OTUD7A: variants seen among roughly 807,000 people sequenced by gnomAD.
OTUD7A encodes OTU domain-containing protein 7A.
A neutral mutation model predicts 65.7 loss-of-function variants in OTUD7A; 12 were observed. The ratio of observed to expected loss-of-function variants is 0.18; its 90% confidence interval spans 0.12 to 0.30. OTUD7A has a LOEUF of 0.30. OTUD7A is among the 10% of genes least tolerant of loss of function. The pLI, the probability that OTUD7A is intolerant of heterozygous loss-of-function variation, is 1.00. For missense variants in OTUD7A, 1,148 were observed against 1,304.8 expected, an observed-to-expected ratio of 0.88 and a Z score of 1.85; for synonymous variants, 641 against 586.3, an observed-to-expected ratio of 1.09 and a Z score of -1.35.
intron 1 of OTUD7A, among the ~76,000 whole-genome samples, chr15:31,674,263 G>A (rs763243852): frequency 2.0e-5 from 3 of 152,184 alleles, no homozygotes; most frequent in African/African-American, 4.8e-5. Flanking sequence ...CAGGAGAGCC[G>A]GTGGCCAAGA....
At chr15:31,610,337 A>G (rs1890364378) in intron 3 of OTUD7A, among the ~76,000 whole-genome samples, 1 of 151,844 alleles carries the variant, frequency 6.6e-6, no homozygotes. Context: ...AATGAGATAG[A>G]TGGCAACACA....
chr15:31,716,920 C>T (rs1893604263), intron 1 of OTUD7A, among the ~76,000 whole-genome samples: 1 of 152,188 alleles, frequency 6.6e-6, no homozygotes, highest in Non-Finnish European at 1.5e-5. Context: ...AAAAGGCCTT[C>T]TTTAACTCTG....
chr15:31,765,020 A>G (rs1895061676), intron 1 of OTUD7A, among the ~76,000 whole-genome samples: 1 of 151,674 alleles, frequency 6.6e-6, no homozygotes, highest in African/African-American at 2.4e-5. Context: ...CATATCTGGA[A>G]TAATGAAAGG....
At chr15:31,764,865 A>G (rs1368135153) in intron 1 of OTUD7A, among the ~76,000 whole-genome samples, 1 of 152,152 alleles carries the variant, frequency 6.6e-6, no homozygotes, top group Non-Finnish European at 1.5e-5. Context: ...TCATCATAGA[A>G]GTCAGTCTTT....
intron 3 of OTUD7A, among the ~76,000 whole-genome samples, chr15:31,617,903 T>C (rs558525765): frequency 1.4e-3 from 207 of 152,272 alleles, no homozygotes; most frequent in African/African-American, 4.7e-3. Context: ...ACATTACGCA[T>C]ATCTCCTAAT....
At chr15:31,592,663 G>A (rs9806275) in intron 3 of OTUD7A, among the ~76,000 whole-genome samples, 48,303 of 151,098 alleles carry the variant, frequency 0.32, 9,914 homozygotes, top group African/African-American at 0.58. Context: ...GGCAGATCAC[G>A]AGGTCAGGAG....
intron 1 of OTUD7A, among the ~76,000 whole-genome samples, chr15:31,727,045 C>T (rs1370557391): frequency 6.6e-6 from 1 of 152,226 alleles, no homozygotes; most frequent in Non-Finnish European, 1.5e-5. Context: ...TGGACCAGGG[C>T]CATGGGCCAT....
chr15:31,703,131 T>C (rs1183566824), intron 1 of OTUD7A, among the ~76,000 whole-genome samples: 1 of 152,060 alleles, frequency 6.6e-6, no homozygotes, highest in East Asian at 1.9e-4. Context: ...AACTTGAATG[T>C]AAAATATAAG....
At chr15:31,585,898 G>A (rs1428423317) in intron 3 of OTUD7A, among the ~76,000 whole-genome samples, 1 of 152,192 alleles carries the variant, frequency 6.6e-6, no homozygotes, top group Non-Finnish European at 1.5e-5. Context: ...ATTGGGATGA[G>A]CCAAGCAACA....
intron 1 of OTUD7A, among the ~76,000 whole-genome samples, chr15:31,805,759 G>A (rs1223027223): frequency 1.3e-5 from 2 of 152,212 alleles, no homozygotes; most frequent in African/African-American, 4.8e-5. Flanking sequence ...AAGGCAGACA[G>A]CTAAGAGACA....
intron 1 of OTUD7A, among the ~76,000 whole-genome samples, chr15:31,661,186 T>C (rs1472548297): frequency 6.6e-6 from 1 of 152,226 alleles, no homozygotes; most frequent in African/African-American, 2.4e-5. Flanking sequence ...TATGGAAAGA[T>C]GGAAGAAAAG....
intron 1 of OTUD7A, among the ~76,000 whole-genome samples, chr15:31,658,870 A>T (rs1255749177): frequency 3.0e-5 from 4 of 133,534 alleles, no homozygotes; most frequent in East Asian, 2.2e-4. Context: ...TCTACTAATT[A>T]AAAAAAAAAA....
At chr15:31,740,094 C>A (rs998816081) in intron 1 of OTUD7A, among the ~76,000 whole-genome samples, 1 of 152,260 alleles carries the variant, frequency 6.6e-6, no homozygotes, top group African/African-American at 2.4e-5. Context: ...GAAGGCCTAG[C>A]GGAGTGTGAG....
At chr15:31,819,445 T>A (rs1896626593) in intron 1 of OTUD7A, among the ~76,000 whole-genome samples, 1 of 152,176 alleles carries the variant, frequency 6.6e-6, no homozygotes, top group Admixed American at 6.5e-5. Context: ...AGACCTGCAT[T>A]TATTAATGCA....
At chr15:31,510,122 C>G (rs753373315) in intron 8 of OTUD7A, among the ~76,000 whole-genome samples, 6 of 149,310 alleles carry the variant, frequency 4.0e-5, no homozygotes, top group Non-Finnish European at 7.4e-5. Context: ...TTTTTCTACA[C>G]TTAGTTTTCT....
chr15:31,604,349 A>T (rs2141214368), intron 3 of OTUD7A, among the ~76,000 whole-genome samples: 1 of 152,298 alleles, frequency 6.6e-6, no homozygotes, highest in South Asian at 2.1e-4. Context: ...CAAGAACAGA[A>T]AACCAAACAC....
intron 1 of OTUD7A, among the ~76,000 whole-genome samples, chr15:31,824,783 A>G (rs184327711): frequency 5.9e-5 from 9 of 152,336 alleles, no homozygotes; most frequent in African/African-American, 2.2e-4. Flanking sequence ...TTTTATGTTT[A>G]TACATATCCA....
chr15:31,593,828 A>C (rs1427509344), intron 3 of OTUD7A, among the ~76,000 whole-genome samples: 2 of 152,058 alleles, frequency 1.3e-5, no homozygotes, highest in Non-Finnish European at 2.9e-5. Flanking sequence ...ACTCAGCCCC[A>C]CTCTCTGCCA....
chr15:31,537,262 T>G (rs1211513204), intron 5 of OTUD7A, among the ~76,000 whole-genome samples: 2 of 152,212 alleles, frequency 1.3e-5, no homozygotes, highest in Non-Finnish European at 2.9e-5. Flanking sequence ...TTATCCACTC[T>G]TCAGCGCTTT....
Sources: allele counts gnomAD v4.1 joint callset (sites outside exome capture counted in the v4.1 genomes callset), GRCh38; gene constraint gnomAD v4.1.1; transcripts MANE v1.5; gene names NCBI Gene and HGNC (gene_info 2026-07-23, HGNC 2026-07-21).